The following CSN3 variants were observed in gnomAD, a reference collection of about 807,000 sequenced individuals.
CSN3 encodes casein kappa.
In CSN3, 7 loss-of-function variants were observed where a neutral mutation model predicts 9.9. That is an observed-to-expected ratio of 0.71 (90% CI 0.40 to 1.33). The LOEUF (loss-of-function observed/expected upper bound fraction) is 1.33. Ranked by LOEUF, CSN3 falls within the 40% of genes most tolerant of loss-of-function variation. The pLI is 0.01. For synonymous variants in CSN3, 88 were observed against 82.3 expected (o/e 1.07, Z -0.37); for missense variants, 253 against 227.9 (o/e 1.11, Z -0.71).
chr4:70,243,937 T>C (rs1483347962), intron 1 of CSN3, among the ~76,000 whole-genome samples: 1 of 152,080 alleles, frequency 6.6e-6, no homozygotes, highest in African/African-American at 2.4e-5. Context: ...AACAGTCTCA[T>C]AACCCTCCAC....
intron 3 of CSN3, 107 bp downstream of exon 3, chr4:70,247,957 T>C: frequency 1.4e-6 from 1 of 722,958 alleles, no homozygotes; most frequent in Non-Finnish European, 2.2e-6. Context: ...AATATTTCAT[T>C]TCCATAAAAC....
At chr4:70,242,521 T>C (rs1415671771), upstream of CSN3, 1 of 148,154 alleles carries the variant, frequency 6.7e-6, no homozygotes, top group African/African-American at 2.5e-5. Context: ...TCTTATTGGG[T>C]AAAAAGTAGG....
At chr4:70,239,085 A>G (rs1730224687), upstream of CSN3, among the ~76,000 whole-genome samples, 1 of 151,896 alleles carries the variant, frequency 6.6e-6, no homozygotes, top group South Asian at 2.1e-4. Flanking sequence ...CTAGAAAGAT[A>G]TTAAAGATAG....
At chr4:70,251,206 A>G (rs549918925) in intron 4 of CSN3, 56 bp from the exon 5 acceptor site, 89 of 152,318 alleles carry the variant, frequency 5.8e-4, no homozygotes, top group African/African-American at 2.0e-3. Context: ...AATATATATC[A>G]TGAGAACTGT....
At chr4:70,243,416 G>T (rs1156408972) in intron 1 of CSN3, among the ~76,000 whole-genome samples, 2 of 152,028 alleles carry the variant, frequency 1.3e-5, no homozygotes, top group Non-Finnish European at 2.9e-5. Flanking sequence ...TGCTTAGATT[G>T]TTCAAATTGA....
intron 2 of CSN3, among the ~76,000 whole-genome samples, chr4:70,246,785 C>A (rs1730386903): frequency 6.6e-6 from 1 of 151,292 alleles, no homozygotes; most frequent in East Asian, 1.9e-4. Flanking sequence ...GATTTTCCTG[C>A]CTCAGCCTCC....
intron 3 of CSN3, among the ~76,000 whole-genome samples, chr4:70,248,405 T>C (rs918580151): frequency 6.6e-6 from 1 of 152,154 alleles, no homozygotes; most frequent in African/African-American, 2.4e-5. Flanking sequence ...CAATTCTTTA[T>C]CTAATCTTTT....
chr4:70,239,870 T>G (rs1730237311), upstream of CSN3, among the ~76,000 whole-genome samples: 1 of 152,018 alleles, frequency 6.6e-6, no homozygotes, highest in Non-Finnish European at 1.5e-5. Context: ...CCATGGTTTT[T>G]ACATATAGCA....
At chr4:70,251,080 A>G (rs62308390) in intron 4 of CSN3, among the ~76,000 whole-genome samples, 182 bp from the exon 5 acceptor site, 17,376 of 152,226 alleles carry the variant, frequency 0.11, 1,308 homozygotes, top group East Asian at 0.27. Context: ...TAAATATTAC[A>G]TAATGTCTAT....
intron 1 of CSN3, chr4:70,243,069 GAAT>G (rs1410478460): frequency 2.9e-6 from 1 of 343,720 alleles, no homozygotes; most frequent in Non-Finnish European, 4.1e-6. Flanking sequence ...ATTTGTTATG[GAAT>G]AATTATTTTT....
intron 2 of CSN3, among the ~76,000 whole-genome samples, chr4:70,245,271 C>T (rs531322941): frequency 1.3e-5 from 2 of 152,216 alleles, no homozygotes; most frequent in African/African-American, 4.8e-5. Context: ...TCCTGTCTCA[C>T]CCAGACTCCA....
chr4:70,248,977 T>C (rs983549260), intron 3 of CSN3, 21 bp from the exon 4 acceptor site: 37 of 1,502,472 alleles, frequency 2.5e-5, no homozygotes, highest in Middle Eastern at 1.9e-4. Flanking sequence ...TAATATTCTG[T>C]ATAATTTATT....
rs193044802 is a variant in CSN3 at position 70,244,307 on chromosome 4, G to A, written c.-8-505G>A. Reference sequence around the variant, plus strand: ...AAGATTCCAATCAAATGTTCATGGCGATTCTCAAGACTTTCTCCTCTACTT... The same window carrying A: ...AAGATTCCAATCAAATGTTCATGGCAATTCTCAAGACTTTCTCCTCTACTT... On this transcript the variant is annotated intron_variant, in intron 1 of 4. Coordinates refer to ENST00000304954, the Ensembl canonical transcript of CSN3. Among the ~76,000 whole-genome samples, 205 of 151,916 alleles carry A rather than the reference G, an allele frequency of 1.3e-3. 1 individual carries two copies. The highest frequency in any genetic ancestry group is 1.2e-3 in the Non-Finnish European group (80 of 67,906).
chr4:70,249,269 T>C, exon 4 of CSN3: 5 of 1,613,844 alleles, frequency 3.1e-6, no homozygotes, highest in Non-Finnish European at 4.2e-6. Context: ...TTTATTGCCA[T>C]CCCCCCAAAG....
intron 4 of CSN3, among the ~76,000 whole-genome samples, chr4:70,250,282 G>A (rs1419800779): frequency 6.7e-6 from 1 of 150,042 alleles, no homozygotes; most frequent in Non-Finnish European, 1.5e-5. Context: ...AAAATGTGGA[G>A]TTTCTTTACA....
intron 4 of CSN3, among the ~76,000 whole-genome samples, chr4:70,251,051 T>G (rs905567194): frequency 1.3e-5 from 2 of 149,360 alleles, no homozygotes; most frequent in African/African-American, 4.8e-5. Context: ...TAAAGAAGCA[T>G]GTAAAAGAGT....
intron 1 of CSN3, among the ~76,000 whole-genome samples, chr4:70,244,117 G>A (rs878902824): frequency 2.0e-5 from 3 of 152,138 alleles, no homozygotes; most frequent in South Asian, 4.1e-4. Flanking sequence ...CTAGAATTCA[G>A]TCCTCCAAAA....
At chr4:70,249,140 C>T (rs780652213) in exon 4 of CSN3, 3 of 1,613,956 alleles carry the variant, frequency 1.9e-6, no homozygotes, top group Non-Finnish European at 2.5e-6. Flanking sequence ...CCATATGTGC[C>T]TCGCACATAT....
chr4:70,238,972 C>G (rs902125704), upstream of CSN3, among the ~76,000 whole-genome samples: 1 of 151,648 alleles, frequency 6.6e-6, no homozygotes, highest in African/African-American at 2.4e-5. Flanking sequence ...ATTTTACGTG[C>G]AAATAGAGAT....
Sources: allele counts gnomAD v4.1 joint callset (sites outside exome capture counted in the v4.1 genomes callset), GRCh38; gene constraint gnomAD v4.1.1; transcripts MANE v1.5; gene names NCBI Gene and HGNC (gene_info 2026-07-23, HGNC 2026-07-21).